Variants in VIPR2 observed in about 807,000 individuals in gnomAD.
VIPR2 encodes the protein vasoactive intestinal peptide receptor 2.
VIPR2 carries 48 observed loss-of-function variants against 58.0 expected under a neutral mutation model. The observed-to-expected ratio is 0.83, with a 90% confidence interval of 0.66 to 1.05. VIPR2 has a LOEUF of 1.05. Among genes scored for constraint, VIPR2 ranks in the 50% least tolerant of loss-of-function variants. The pLI, the probability that VIPR2 is intolerant of heterozygous loss-of-function variation, is 0.00. For missense variants in VIPR2, 534 were observed against 558.0 expected, an observed-to-expected ratio of 0.96 and a Z score of 0.43; for synonymous variants, 243 against 235.2, an observed-to-expected ratio of 1.03 and a Z score of -0.30.
chr7:159,124,378 C>T lies in VIPR2; in HGVS notation c.152-14459G>A, dbSNP rs529351178. On this transcript the variant is annotated intron_variant, in intron 2 of 12. Transcript: ENST00000262178. ...TCCCACATATGACTAGCCAGTTATC[C>T]CAGCACCATTTAATTGAATAGGGAG... 2.6e-5 allele frequency among the ~76,000 whole-genome samples: 4 copies of T among 152,180 alleles called. No homozygotes were observed. The South Asian group carries it at 8.3e-4, about 32-fold the overall frequency.
chr7:159,036,872 G>A lies in VIPR2; in HGVS notation c.628C>T (p.Gln210Ter), dbSNP rs757299940. 3.1e-6 allele frequency: 5 copies of A among 1,613,604 alleles called. No homozygotes were observed. In the African/African-American group the frequency reaches 6.7e-5, roughly 22 times the overall value. The change falls in exon 7 of 13, where the codon CAG becomes TAG. Residue 210 changes from glutamine (Q) to a stop codon, truncating the protein, a stop_gained. Transcript: ENST00000262178. LOFTEE classifies it high-confidence loss of function. ...VGCKLSLVFL[Q>*]YCIMANFFWL... ...AAGAAGTTGGCCATGATGCAGTACT[G>A]CAGGAAGACCAGGCTCAGCTTGCAG...
chr7:159,030,590 G>A lies in VIPR2; in HGVS notation c.*26C>T, dbSNP rs1299431899. On this transcript the variant is annotated 3_prime_UTR_variant, in exon 13 of 13. Transcript: ENST00000262178. ...AGAAGCCCCGAACCGTGGGCCTCCC[G>A]CCGCGTCCGACAGGCAGGGGTGGGG... 19 of 1,506,966 alleles carry A rather than the reference G, an allele frequency of 1.3e-5. No individual in the cohort carries two copies. The highest frequency in any genetic ancestry group is 3.9e-5 in the South Asian group (3 of 77,492). 93.3% of individuals were successfully genotyped at this position (1,506,966 alleles called of 1,614,324 possible).
chr7:159,036,933 A>T lies in VIPR2; in HGVS notation c.598-31T>A, dbSNP rs1420135048. 4 of 1,598,734 alleles carry T rather than the reference A, an allele frequency of 2.5e-6. No homozygotes were observed. The Admixed American group carries it at 6.7e-5, about 27-fold the overall frequency. On this transcript the variant is annotated intron_variant, in intron 6 of 12. Coordinates refer to ENST00000262178, the MANE Select transcript of VIPR2 (RefSeq NM_003382.5). ...AACCGCAAACAGAGGAGAGGAAAGC[A>T]TGACCTCATCCGGTAACAGCAGCTA...
intron 4 of VIPR2, among the ~76,000 whole-genome samples, chr7:159,079,078 C>T (rs1856784382): frequency 6.6e-6 from 1 of 152,026 alleles, no homozygotes; most frequent in African/African-American, 2.4e-5. Flanking sequence ...TGCTGAATGG[C>T]CGCACTCTCA....
At chr7:159,126,191 T>C (rs76763699) in intron 2 of VIPR2, among the ~76,000 whole-genome samples, 3,711 of 152,312 alleles carry the variant, frequency 0.024, 68 homozygotes, top group Non-Finnish European at 0.035. Context: ...TTTTGAATGC[T>C]GCCTTTTCAG....
intron 5 of VIPR2, among the ~76,000 whole-genome samples, chr7:159,053,804 T>C (rs569676132): frequency 1.9e-4 from 29 of 152,310 alleles, no homozygotes; most frequent in African/African-American, 6.0e-4. Flanking sequence ...TGTCTTGGCC[T>C]CCCAAAGTGC....
At chr7:159,083,245 C>G (rs1347737245) in intron 4 of VIPR2, among the ~76,000 whole-genome samples, 1 of 152,224 alleles carries the variant, frequency 6.6e-6, no homozygotes, top group Non-Finnish European at 1.5e-5. Flanking sequence ...CTCTGCAGAG[C>G]CTCTTCCCTT....
At position 159,095,980 on chromosome 7, in the gene VIPR2, T is replaced by TC. The variant is rs146886035; in HGVS notation, c.357+7776dup. Among the ~76,000 whole-genome samples the TC allele has an allele frequency of 1.8e-3, 273 of 152,064 alleles. No homozygotes were observed. Among genetic ancestry groups the TC allele is most frequent in the African/African-American group, 6.2e-3 (257 of 41,464 alleles). On this transcript the variant is annotated intron_variant, in intron 4 of 12. Coordinates refer to ENST00000262178, the MANE Select transcript of VIPR2 (RefSeq NM_003382.5). This position sits in a 1 kb window ranked among gnomAD's most constrained non-coding sequence, Gnocchi z 5.2. ...GGTGTGTGGTGTATGATCTGGAGGC[T>TC]CCCCGGGGGCTCCTGGCAACAAGCT...
rs1853925208 is a variant in VIPR2 at position 159,035,996 on chromosome 7, G to C, written c.765C>G (p.Cys255Trp). Reference sequence around the variant, plus strand: ...GCCTGGCCGCAGTCCATGCACCGATGCAGACGGTGGGGAGGCCTGCAGAGA... The same window carrying C: ...GCCTGGCCGCAGTCCATGCACCGATCCAGACGGTGGGGAGGCCTGCAGAGA... The part of the protein sequence containing the change: ...LLIGWGLPTV[C>W]IGAWTAARLY... The change falls in exon 8 of 13, where the codon TGC (cysteine) becomes TGG (tryptophan). Residue 255 changes from cysteine (C) to tryptophan (W), a missense_variant. Transcript: ENST00000262178. 6.2e-7 allele frequency: 1 copy of C among 1,613,440 alleles called. No homozygotes were observed. Among genetic ancestry groups the C allele is most frequent in the Middle Eastern group, 1.7e-4 (1 of 5,990 alleles).
intron 5 of VIPR2, among the ~76,000 whole-genome samples, chr7:159,048,555 A>C (rs1854785896): frequency 6.6e-6 from 1 of 152,230 alleles, no homozygotes; most frequent in Non-Finnish European, 1.5e-5. Flanking sequence ...TTGAAGACTT[A>C]CTCTGAACAC....
At position 159,098,641 on chromosome 7, in the gene VIPR2, C is replaced by A. The variant is rs940318359; in HGVS notation, c.357+5116G>T. 2.6e-5 allele frequency among the ~76,000 whole-genome samples: 4 copies of A among 152,180 alleles called. No individual in the cohort carries two copies. Among genetic ancestry groups the A allele is most frequent in the African/African-American group, 9.7e-5 (4 of 41,446 alleles). On this transcript the variant is annotated intron_variant, in intron 4 of 12. Coordinates refer to ENST00000262178, the MANE Select transcript of VIPR2 (RefSeq NM_003382.5). The surrounding 1 kb of genome is among the most constrained non-coding windows in gnomAD (Gnocchi z 5.2). ...AGCAGTGCCCAGGGCTGCCCTAGAG[C>A]CCTCTGGTCCGCAGAGCCCTTCTCC...
chr7:159,051,240 T>C (rs569954425), intron 5 of VIPR2, among the ~76,000 whole-genome samples: 3 of 152,284 alleles, frequency 2.0e-5, no homozygotes, highest in Admixed American at 6.5e-5. Flanking sequence ...TATTTATATA[T>C]GGAATTAAAA....
intron 4 of VIPR2, among the ~76,000 whole-genome samples, chr7:159,087,639 C>T (rs1220002675): frequency 4.0e-5 from 5 of 125,534 alleles, no homozygotes; most frequent in Middle Eastern, 4.3e-3. Flanking sequence ...ACAAACAATA[C>T]CCAGGACTCT....
At chr7:159,082,050 G>A (rs1410430733) in intron 4 of VIPR2, among the ~76,000 whole-genome samples, 4 of 152,124 alleles carry the variant, frequency 2.6e-5, no homozygotes, top group South Asian at 2.1e-4. Context: ...TGTGGAAGTC[G>A]GTGTGGCGAT....
chr7:159,111,506 C>T (rs950305197), intron 2 of VIPR2, among the ~76,000 whole-genome samples: 5 of 151,892 alleles, frequency 3.3e-5, no homozygotes, highest in African/African-American at 7.2e-5. Flanking sequence ...ATGGTGAAAC[C>T]CCGTCTCTAC....
chr7:159,096,430 C>T lies in VIPR2; in HGVS notation c.357+7327G>A, dbSNP rs1857850462. ...CTGTGCTGCACATCATCCTGGTGTG[C>T]TCCTCCATCCTTCCACCTTCCTGAT... is the stretch of plus-strand genomic sequence containing the variant. On this transcript the variant is annotated intron_variant, in intron 4 of 12. Coordinates refer to ENST00000262178, the MANE Select transcript of VIPR2 (RefSeq NM_003382.5). The surrounding 1 kb of genome is among the most constrained non-coding windows in gnomAD (Gnocchi z 5.5). Among the ~76,000 whole-genome samples, 1 of 152,234 alleles carries T rather than the reference C, an allele frequency of 6.6e-6. No individual in the cohort carries two copies. Among genetic ancestry groups the T allele is most frequent in the Non-Finnish European group, 1.5e-5 (1 of 68,042 alleles).
At chr7:159,135,589 A>G (rs1312345353) in intron 2 of VIPR2, among the ~76,000 whole-genome samples, 1 of 152,090 alleles carries the variant, frequency 6.6e-6, no homozygotes, top group Non-Finnish European at 1.5e-5. Context: ...TTGGGAGGCC[A>G]AGACGGGTGG....
chr7:159,101,541 C>T (rs1418675693), intron 4 of VIPR2, among the ~76,000 whole-genome samples: 4 of 129,004 alleles, frequency 3.1e-5, no homozygotes, highest in South Asian at 2.9e-4. Context: ...TCCGACGAGG[C>T]GGTTCCCCTG....
chr7:159,119,372 G>A (rs1053273065), intron 2 of VIPR2, among the ~76,000 whole-genome samples: 4 of 152,182 alleles, frequency 2.6e-5, no homozygotes, highest in Admixed American at 1.3e-4. Flanking sequence ...ACGGGGCCTC[G>A]ACTGCAGGGT....
Sources: gnomAD v4.1 joint callset for allele counts (sites outside exome capture counted in the v4.1 genomes callset) on GRCh38, gnomAD v4.1.1 for gene constraint, Gnocchi (gnomAD v3.1) non-coding constraint, MANE v1.5 for transcripts, NCBI Gene and HGNC (gene_info 2026-07-23, HGNC 2026-07-21) for gene names.